Variants in DCAF1 observed in about 807,000 individuals in gnomAD.
The protein encoded by DCAF1 is DDB1- and CUL4-associated factor 1.
Under a neutral mutation model 128.0 loss-of-function variants are expected in DCAF1, and 15 were observed. That is an observed-to-expected ratio of 0.12 (90% CI 0.08 to 0.18). The LOEUF (loss-of-function observed/expected upper bound fraction) is 0.18, where lower values mean the gene tolerates loss of function less well. Among genes scored for constraint, DCAF1 ranks in the 10% least tolerant of loss-of-function variants. The pLI, the probability that DCAF1 is intolerant of heterozygous loss-of-function variation, is 1.00. For synonymous variants in DCAF1, 610 were observed against 603.0 expected, an observed-to-expected ratio of 1.01 and a Z score of -0.17; for missense variants, 988 against 1,649.5, an observed-to-expected ratio of 0.60 and a Z score of 6.95.
downstream of DCAF1, chr3:51,397,723 TATGTGGGCAGAAC>T (rs1195358552): frequency 1.2e-5 from 2 of 167,114 alleles, no homozygotes; most frequent in East Asian, 3.8e-4. Context: ...TGGAGTGCTC[TATGTGGGCAGAAC>T]ATGCTCTCCT....
intron 3 of DCAF1, among the ~76,000 whole-genome samples, chr3:51,477,030 C>T (rs563639406): frequency 2.0e-5 from 3 of 150,154 alleles, no homozygotes; most frequent in South Asian, 4.3e-4. Context: ...GTTGCAGAGC[C>T]GAGATCACAC....
chr3:51,466,674 A>T, intron 5 of DCAF1, 129 bp downstream of exon 5: 1 of 791,030 alleles, frequency 1.3e-6, no homozygotes, highest in Non-Finnish European at 2.0e-6. Flanking sequence ...CACAACCAGG[A>T]CTTTGGCAAA....
chr3:51,487,416 C>G (rs1707101634), intron 2 of DCAF1, among the ~76,000 whole-genome samples: 1 of 152,176 alleles, frequency 6.6e-6, no homozygotes, highest in South Asian at 2.1e-4. Flanking sequence ...AAGAAACCAA[C>G]ATTGTTACAT....
At chr3:51,475,649 CAGG>C (rs1488543343) in intron 3 of DCAF1, among the ~76,000 whole-genome samples, 1 of 152,158 alleles carries the variant, frequency 6.6e-6, no homozygotes, top group East Asian at 1.9e-4. Context: ...ATCATGAGGT[CAGG>C]AGATCAAGAC....
At chr3:51,442,296 G>A (rs1553639032) in intron 7 of DCAF1, among the ~76,000 whole-genome samples, 1 of 152,104 alleles carries the variant, frequency 6.6e-6, no homozygotes, top group Non-Finnish European at 1.5e-5. Context: ...TATTCCATTA[G>A]ATATTGCCAT....
chr3:51,468,394 A>T (rs1704367442), intron 4 of DCAF1, among the ~76,000 whole-genome samples: 1 of 151,614 alleles, frequency 6.6e-6, no homozygotes, highest in Non-Finnish European at 1.5e-5. Flanking sequence ...CTGGTCTCGA[A>T]CTCCTGACCT....
chr3:51,459,342 C>A (rs559997136), intron 6 of DCAF1, among the ~76,000 whole-genome samples: 3 of 152,232 alleles, frequency 2.0e-5, no homozygotes, highest in African/African-American at 7.2e-5. Context: ...ATACATCCTC[C>A]CAAGACTAAA....
chr3:51,479,997 T>C (rs549173499), intron 3 of DCAF1, among the ~76,000 whole-genome samples: 3 of 146,220 alleles, frequency 2.1e-5, no homozygotes, highest in African/African-American at 7.6e-5. Context: ...CTGAGCAACA[T>C]AATGAAACCC....
At chr3:51,440,908 A>AT (rs1701300969) in intron 9 of DCAF1, 62 bp downstream of exon 9, 3 of 1,421,184 alleles carry the variant, frequency 2.1e-6, no homozygotes, top group African/African-American at 2.9e-5. Context: ...TCCATCTTAA[A>AT]TTTAAAAAAA....
intron 17 of DCAF1, 64 bp from the exon 18 acceptor site, chr3:51,416,935 G>A (rs911698021): frequency 6.4e-7 from 1 of 1,550,446 alleles, no homozygotes; most frequent in Non-Finnish European, 8.7e-7. Context: ...GCAACCAACT[G>A]AAACACAGGT....
At chr3:51,423,743 C>T (rs1418179372) in intron 13 of DCAF1, among the ~76,000 whole-genome samples, 2 of 149,980 alleles carry the variant, frequency 1.3e-5, no homozygotes, top group Admixed American at 6.7e-5. Context: ...CTGCTTGAAT[C>T]TGGGAGGCAG....
chr3:51,454,116 A>AAC (rs1702634584), intron 6 of DCAF1, among the ~76,000 whole-genome samples: 1 of 152,190 alleles, frequency 6.6e-6, no homozygotes, highest in South Asian at 2.1e-4. Context: ...GATCAGGGCT[A>AAC]ACCATAGCCT....
intron 15 of DCAF1, 26 bp from the exon 16 acceptor site, chr3:51,418,902 A>G (rs781841975): frequency 1.3e-6 from 2 of 1,576,004 alleles, no homozygotes; most frequent in Non-Finnish European, 1.7e-6. Context: ...AGAGAATCAC[A>G]GGCAAAGAAT....
At chr3:51,481,730 C>G (rs1477512584) in intron 3 of DCAF1, among the ~76,000 whole-genome samples, 1 of 151,998 alleles carries the variant, frequency 6.6e-6, no homozygotes, top group Non-Finnish European at 1.5e-5. Flanking sequence ...GTGGCTCACG[C>G]CTGTAATCCC....
chr3:51,422,163 C>T (rs891141739), intron 14 of DCAF1, 144 bp downstream of exon 14: 14 of 592,740 alleles, frequency 2.4e-5, no homozygotes, highest in Non-Finnish European at 3.7e-5. Flanking sequence ...AATGGTACTC[C>T]TTATAAAGGA....
chr3:51,414,500 A>T, intron 19 of DCAF1, 124 bp downstream of exon 19: 1 of 1,369,884 alleles, frequency 7.3e-7, no homozygotes, highest in South Asian at 1.5e-5. Flanking sequence ...AAACCAAAGG[A>T]CAGGCACCAT....
downstream of DCAF1, chr3:51,396,292 TC>T (rs2089199179): frequency 5.2e-6 from 1 of 192,494 alleles, no homozygotes; most frequent in African/African-American, 2.3e-5. Context: ...GAGAAAGGTG[TC>T]CCATGGCCCC....
intron 6 of DCAF1, 29 bp from the exon 7 acceptor site, chr3:51,443,932 T>C (rs782351683): frequency 6.5e-7 from 1 of 1,546,926 alleles, no homozygotes; most frequent in South Asian, 1.2e-5. Flanking sequence ...AATAGTACAT[T>C]TCGGAAAAAG....
At position 51,499,269 on chromosome 3, in the gene DCAF1, T is replaced by A. The variant is rs1708569559; in HGVS notation, c.-56+604A>T. On this transcript the variant is annotated intron_variant, in intron 1 of 24. Coordinates refer to ENST00000684031, the MANE Select transcript of DCAF1 (RefSeq NM_001387579.1). ...GGCACTCTGAGGTTTGACTCCAGGCTGCGGGACCCGCACACCTCTCTTTCC... is the reference window on the plus strand; with the variant it reads ...GGCACTCTGAGGTTTGACTCCAGGCAGCGGGACCCGCACACCTCTCTTTCC... Among the ~76,000 whole-genome samples the A allele has an allele frequency of 2.6e-5, 4 of 152,346 alleles. No individual in the cohort carries two copies. The South Asian group carries it at 8.3e-4, about 32-fold the overall frequency.
Sources: gnomAD v4.1 joint callset for allele counts (sites outside exome capture counted in the v4.1 genomes callset) on GRCh38, gnomAD v4.1.1 for gene constraint, MANE v1.5 for transcripts, NCBI Gene and HGNC (gene_info 2026-07-23, HGNC 2026-07-21) for gene names.